RGL1: variants seen among roughly 807,000 people sequenced by gnomAD.
The protein encoded by RGL1 is ral guanine nucleotide dissociation stimulator-like 1.
Under a neutral mutation model 95.2 loss-of-function variants are expected in RGL1, and 24 were observed. That is an observed-to-expected ratio of 0.25 (90% CI 0.18 to 0.35). RGL1 has a LOEUF of 0.35. RGL1 is among the 10% of genes least tolerant of loss of function. RGL1 has a pLI of 1.00. For synonymous variants in RGL1, 329 were observed against 344.9 expected (o/e 0.95, Z 0.51); for missense variants, 715 against 936.3 (o/e 0.76, Z 3.08).
intron 1 of RGL1, among the ~76,000 whole-genome samples, chr1:183,661,570 C>T (rs1186338041): frequency 6.6e-6 from 1 of 151,910 alleles, no homozygotes; most frequent in Admixed American, 6.6e-5. Flanking sequence ...TAATCAATAG[C>T]TTACCAACGA....
intron 1 of RGL1, among the ~76,000 whole-genome samples, chr1:183,733,505 C>T (rs1259042359): frequency 1.3e-5 from 2 of 152,142 alleles, no homozygotes; most frequent in Non-Finnish European, 2.9e-5. Flanking sequence ...GAAAGGTTTG[C>T]CATGTTGAGC....
chr1:183,779,218 T>TCCCTCCCA (rs1317084592), intron 2 of RGL1, among the ~76,000 whole-genome samples: 1 of 144,484 alleles, frequency 6.9e-6, no homozygotes, highest in African/African-American at 2.6e-5. Context: ...CTTCCTTCCT[T>TCCCTCCCA]CCTTCCTTCC....
chr1:183,661,861 C>T lies in RGL1; in HGVS notation c.-33+25360C>T, dbSNP rs541227532. 9.5e-3 allele frequency among the ~76,000 whole-genome samples: 1,429 copies of T among 149,764 alleles called. 17 individuals carry two copies. The highest frequency in any genetic ancestry group is 0.035 in the African/African-American group (1,374 of 39,502). On this transcript the variant is annotated intron_variant, in intron 1 of 18. Transcript: ENST00000304685. ...GCAGCACATCAAAAAGCTTATCCAC[C>T]ATGATCAAGTGGGCTTCATCCCTGG...
chr1:183,878,415 C>G (rs1666644656), intron 4 of RGL1, among the ~76,000 whole-genome samples: 1 of 152,038 alleles, frequency 6.6e-6, no homozygotes, highest in Non-Finnish European at 1.5e-5. Flanking sequence ...CCTAGCTGGT[C>G]TCGAACTCCT....
chr1:183,925,150 C>T (rs1018417475), intron 17 of RGL1, among the ~76,000 whole-genome samples: 12 of 152,144 alleles, frequency 7.9e-5, no homozygotes, highest in Admixed American at 3.9e-4. Flanking sequence ...ATATTTGCTG[C>T]AATATTTGCT....
chr1:183,826,243 C>T (rs543113995), intron 2 of RGL1, among the ~76,000 whole-genome samples: 22 of 152,128 alleles, frequency 1.4e-4, no homozygotes, highest in South Asian at 4.2e-4. Flanking sequence ...TTAGTAGAGA[C>T]GGACTTTCAG....
chr1:183,877,657 C>G (rs61809233), intron 4 of RGL1, among the ~76,000 whole-genome samples: 12,223 of 152,272 alleles, frequency 0.08, 573 homozygotes, highest in Middle Eastern at 0.19. Context: ...TCCTCCTCCC[C>G]CTTCATTCCT....
At chr1:183,875,705 G>T (rs1666451964) in intron 4 of RGL1, among the ~76,000 whole-genome samples, 1 of 151,448 alleles carries the variant, frequency 6.6e-6, no homozygotes, top group Non-Finnish European at 1.5e-5. Context: ...GTGAAACCTG[G>T]TCTCTACTAA....
chr1:183,904,786 T>C, intron 12 of RGL1, 64 bp from the exon 13 acceptor site: 5 of 1,498,648 alleles, frequency 3.3e-6, no homozygotes, highest in Admixed American at 2.2e-5. Context: ...TGAAAGATTC[T>C]ATATTTGGTT....
Position 183,927,397 on chromosome 1 carries a change from GC to G in RGL1, c.*1109del, listed in dbSNP as rs1669675118. ...CTGAACAGTGATTGTCCCGTTAATA[GC>G]CCCTCAGAAGATGTTCCCTGCTGAT... On this transcript the variant is annotated 3_prime_UTR_variant, in exon 18 of 18. Transcript: ENST00000360851. 1 of 152,294 alleles carries G rather than the reference GC, an allele frequency of 6.6e-6. No homozygotes were observed. The highest frequency in any genetic ancestry group is 1.5e-5 in the Non-Finnish European group (1 of 68,020). 9.4% of individuals were successfully genotyped at this position (152,294 alleles called of 1,614,324 possible).
At chr1:183,834,332 T>C (rs752858055) in intron 2 of RGL1, among the ~76,000 whole-genome samples, 3 of 152,204 alleles carry the variant, frequency 2.0e-5, no homozygotes. Flanking sequence ...AAGTAGCTGA[T>C]AATTAATTGA....
intron 3 of RGL1, among the ~76,000 whole-genome samples, chr1:183,854,067 G>C (rs1347176986): frequency 6.6e-6 from 1 of 152,194 alleles, no homozygotes; most frequent in African/African-American, 2.4e-5. Flanking sequence ...TCTTCATGCT[G>C]AATGTCTAGT....
At chr1:183,866,184 G>A in intron 4 of RGL1, 111 bp downstream of exon 4, 1 of 848,592 alleles carries the variant, frequency 1.2e-6, no homozygotes, top group Non-Finnish European at 1.9e-6. Flanking sequence ...TTTTTCCATA[G>A]TGCATACAGA....
Position 183,847,784 on chromosome 1 carries a change from T to A in RGL1, c.347+10T>A. On this transcript the variant is annotated intron_variant, in intron 3 of 17. Transcript: ENST00000360851. The stretch of plus-strand genomic sequence containing the variant: ...AACTACTGCTGGACAGGTAAGAATG[T>A]AAAGGAGCTTTTGAGTTGAAAGAAA... The A allele has an allele frequency of 6.2e-7, 1 of 1,608,320 alleles. No individual in the cohort carries two copies. Among genetic ancestry groups the A allele is most frequent in the East Asian group, 2.2e-5 (1 of 44,858 alleles).
At chr1:183,820,847 G>A (rs563358993) in intron 2 of RGL1, among the ~76,000 whole-genome samples, 39 of 152,264 alleles carry the variant, frequency 2.6e-4, no homozygotes, top group South Asian at 6.2e-4. Context: ...ATGGCTGGGC[G>A]CGGTGGCTCA....
chr1:183,678,550 G>A (rs1166102574), intron 1 of RGL1, among the ~76,000 whole-genome samples: 1 of 151,614 alleles, frequency 6.6e-6, no homozygotes, highest in Non-Finnish European at 1.5e-5. Context: ...TCTCTCACTT[G>A]TGTTTTGTTG....
At chr1:183,729,535 A>C (rs1656508169) in intron 1 of RGL1, among the ~76,000 whole-genome samples, 1 of 152,198 alleles carries the variant, frequency 6.6e-6, no homozygotes, top group Admixed American at 6.5e-5. Flanking sequence ...GGAATATAAA[A>C]TTGTACAACC....
chr1:183,855,526 T>A (rs764938153), intron 3 of RGL1, among the ~76,000 whole-genome samples: 3 of 152,274 alleles, frequency 2.0e-5, no homozygotes, highest in Non-Finnish European at 2.9e-5. Flanking sequence ...TTCATGTTCC[T>A]GTACTTCCTT....
intron 1 of RGL1, among the ~76,000 whole-genome samples, chr1:183,677,546 T>A (rs1652908069): frequency 6.6e-6 from 1 of 152,188 alleles, no homozygotes; most frequent in African/African-American, 2.4e-5. Flanking sequence ...CAAGTCCTTT[T>A]TCCTAGGGAG....
Sources: allele counts gnomAD v4.1 joint callset (sites outside exome capture counted in the v4.1 genomes callset), GRCh38; gene constraint gnomAD v4.1.1; transcripts MANE v1.5; gene names NCBI Gene and HGNC (gene_info 2026-07-23, HGNC 2026-07-21).